CTC1: variants seen among roughly 807,000 people sequenced by gnomAD.
CTC1 encodes CST telomere replication complex component 1, also known as CST complex subunit CTC1.
In CTC1, 91 loss-of-function variants were observed where a neutral mutation model predicts 136.3. The ratio of observed to expected loss-of-function variants is 0.67; its 90% CI spans 0.56 to 0.79. CTC1 has a LOEUF of 0.79. CTC1 is among the 30% of genes least tolerant of loss of function. The pLI, the probability that CTC1 is intolerant of heterozygous loss-of-function variation, is 0.00. For missense variants in CTC1, 1,432 were observed against 1,498.1 expected (o/e 0.96, Z 0.73); for synonymous variants, 606 against 613.8 (o/e 0.99, Z 0.19).
chr17:8,235,316 G>T, intron 7 of CTC1, 31 bp from the exon 8 acceptor site: 1 of 1,548,058 alleles, frequency 6.5e-7, no homozygotes, highest in Non-Finnish European at 8.9e-7. Context: ...TGAAAAAGCA[G>T]AGATGAAGAC....
chr17:8,230,765 A>G, intron 15 of CTC1, 114 bp from the exon 16 acceptor site: 1 of 850,056 alleles, frequency 1.2e-6, no homozygotes, highest in East Asian at 2.7e-5. Flanking sequence ...TTCATATATA[A>G]AGTCCTGAAA....
At position 8,229,306 on chromosome 17, in the gene CTC1, C is replaced by T. The variant is rs758206104; in HGVS notation, c.3152G>A (p.Arg1051Gln). ...CCTGTTCCTTCCCTCCCTTACCTGC[C>T]GGCAGATGCTGGTACAATAAGCACA... ...WVCAYCTSIC[R>Q]QGKCTRLGST... The change falls in exon 19 of 23, where the codon CGG (arginine) becomes CAG (glutamine). Residue 1051 changes from arginine to glutamine, a missense_variant. Physicochemically the swap from Arg to Gln is conservative, Grantham distance 43. Coordinates refer to ENST00000651323, the MANE Select transcript of CTC1 (RefSeq NM_025099.6). The T allele has an allele frequency of 9.9e-6, 16 of 1,614,056 alleles. No homozygotes were observed. In the Admixed American group the frequency reaches 1.2e-4, roughly 12 times the overall value.
At chr17:8,232,862 C>A (rs754454533) in intron 11 of CTC1, 44 bp downstream of exon 11, 87 of 1,604,274 alleles carry the variant, frequency 5.4e-5, no homozygotes, top group Middle Eastern at 5.0e-4. Context: ...GCTATGAGAA[C>A]CACCATCCCA....
In CTC1 at chr17:8,235,283, GA is replaced by G; in HGVS notation, c.1208del (p.Leu403ProfsTer60). On this transcript the variant is annotated frameshift_variant and splice_region_variant, in exon 8 of 23. Transcript: ENST00000651323. LOFTEE classifies it high-confidence loss of function. ...RVMRPGVCLQ[L>X]QDVHLLQSVG... ...CTGACTGGAGCAGGTGAACATCCTG[GA>G]GCTGGGGGAAAGCAGAGAAAATGAA... The G allele has an allele frequency of 6.2e-7, 1 of 1,610,758 alleles. No individual in the cohort carries two copies. Among genetic ancestry groups the G allele is most frequent in the South Asian group, 1.1e-5 (1 of 91,036 alleles).
intron 1 of CTC1, among the ~76,000 whole-genome samples, chr17:8,247,467 G>A (rs1206172773): frequency 1.3e-5 from 2 of 151,616 alleles, no homozygotes; most frequent in Non-Finnish European, 2.9e-5. Context: ...GCGCCACCAC[G>A]CCCGGCTAAT....
chr17:8,241,456 A>G (rs1988209746), intron 2 of CTC1, among the ~76,000 whole-genome samples: 1 of 151,720 alleles, frequency 6.6e-6, no homozygotes, highest in Non-Finnish European at 1.5e-5. Flanking sequence ...CATCTCTACT[A>G]AAAAATACAA....
In CTC1 at chr17:8,232,715, G is replaced by A. The variant is rs1454411204; in HGVS notation, c.1945+191C>T. The A allele has an allele frequency of 6.6e-6, 5 of 759,378 alleles. No homozygotes were observed. The Admixed American group carries it at 1.2e-4, about 18-fold the overall frequency. 47.0% of individuals were successfully genotyped at this position (759,378 alleles called of 1,614,324 possible). On this transcript the variant is annotated intron_variant, in intron 11 of 22. Coordinates refer to ENST00000651323, the MANE Select transcript of CTC1 (RefSeq NM_025099.6). ...TAGGAGCTACGGTGGAGAAATGCATGCTGGAAATTCTGGCTAGGGGTCCTC... is the reference window on the plus strand; with the variant it reads ...TAGGAGCTACGGTGGAGAAATGCATACTGGAAATTCTGGCTAGGGGTCCTC...
Position 8,228,220 on chromosome 17 carries a change from T to C in CTC1, c.3614A>G (p.Glu1205Gly). 1 of 1,614,100 alleles carries C rather than the reference T, an allele frequency of 6.2e-7. No homozygotes were observed. Among genetic ancestry groups the C allele is most frequent in the Non-Finnish European group, 8.5e-7 (1 of 1,179,980 alleles). Residue 1205 changes from glutamate to glycine, a missense_variant, in exon 23 of 23, where the codon GAG (glutamate) becomes GGG (glycine). Glu to Gly is a moderately conservative substitution (Grantham distance 98). Transcript: ENST00000651323. ...RLSCLSIRES[E>G]YSSSLGILAS... ...AAGGATCCCCAGAGAGCTGGAGTAC[T>C]CTGACTCTCGGATAGAAAGGCAGGA...
rs762897077 is a variant in CTC1 at position 8,232,141 on chromosome 17, T to C, written c.2147A>G (p.Gln716Arg). ...CLHSATPSTP[Q>R]TDPTGPEGPH... ...TCCCTCTGGGCCGGTGGGATCTGTC[T>C]GAGGTGTTGAGGGTGTTGCTGAATG... The change falls in exon 13 of 23, where the codon CAG (glutamine) becomes CGG (arginine). Residue 716 changes from glutamine (Q) to arginine (R), a missense_variant. Gln to Arg is a conservative substitution (Grantham distance 43). Transcript: ENST00000651323. 2.6e-6 allele frequency: 4 copies of C among 1,527,080 alleles called. No individual in the cohort carries two copies. The highest frequency in any genetic ancestry group is 3.5e-6 in the Non-Finnish European group (4 of 1,142,008). 94.6% of individuals were successfully genotyped at this position (1,527,080 alleles called of 1,614,324 possible).
At chr17:8,237,665 CAAAAAAAAAAAAAAAAAAAAAAAA>C (rs71159568) in intron 4 of CTC1, 146 bp from the exon 5 acceptor site, 13 of 58,360 alleles carry the variant, frequency 2.2e-4, no homozygotes, top group South Asian at 3.4e-4. Flanking sequence ...AACTACGTCT[CAAAAAAAAAAAAAAAAAAAAAAAA>C]AAAAAAAAAA....
intron 11 of CTC1, 125 bp from the exon 12 acceptor site, chr17:8,232,600 A>G: frequency 1.3e-6 from 1 of 760,806 alleles, no homozygotes; most frequent in Middle Eastern, 3.4e-4. Flanking sequence ...ATGACATGAA[A>G]GCCCACACCT....
chr17:8,231,237 A>AGT, intron 15 of CTC1, 39 bp downstream of exon 15: 1 of 1,466,076 alleles, frequency 6.8e-7, no homozygotes, highest in Non-Finnish European at 9.1e-7. Context: ...GAGAAGAGAG[A>AGT]GTGGCCAAAT....
rs913586316 is a variant in CTC1, at chr17:8,225,965, G to C, written c.*2215C>G. The stretch of plus-strand genomic sequence containing the variant: ...TGGAAGGTGGGCAGCCCCTTCCATC[G>C]AGGGTGGGGCGGCCGCCTGACCCAG... On this transcript the variant is annotated 3_prime_UTR_variant, in exon 23 of 23. Transcript: ENST00000651323. The C allele has an allele frequency of 6.6e-6, 1 of 152,038 alleles. No individual in the cohort carries two copies. Among genetic ancestry groups the C allele is most frequent in the Non-Finnish European group, 1.5e-5 (1 of 68,010 alleles). 9.4% of individuals were successfully genotyped at this position (152,038 alleles called of 1,614,324 possible).
chr17:8,228,799 G>T lies in CTC1; in HGVS notation c.3315C>A (p.Ala1105=). ...AALGLCPREW[A]SLLDFVQVPG... is the part of the protein sequence containing the mutation. ...GCACTTGGACGAAATCTAGGAGGGA[G>T]GCCCACTCTCTAGGACACAGCCCTA... is the stretch of plus-strand genomic sequence containing the variant. Residue 1105 remains alanine (A), a synonymous_variant, in exon 21 of 23, where the codon GCC becomes GCA. Transcript: ENST00000651323. The T allele has an allele frequency of 6.2e-7, 1 of 1,614,166 alleles. No homozygotes were observed. Among genetic ancestry groups the T allele is most frequent in the Non-Finnish European group, 8.5e-7 (1 of 1,180,022 alleles).
intron 2 of CTC1, 122 bp downstream of exon 2, chr17:8,242,863 A>G: frequency 1.2e-6 from 1 of 813,470 alleles, no homozygotes; most frequent in Non-Finnish European, 1.8e-6. Flanking sequence ...GGGTATGTTT[A>G]GACTACCTTG....
chr17:8,232,296 C>T, intron 12 of CTC1, 65 bp downstream of exon 12: 2 of 1,570,322 alleles, frequency 1.3e-6, no homozygotes, highest in Non-Finnish European at 8.6e-7. Flanking sequence ...CCCAGCATCC[C>T]ACTCCTTCCA....
Position 8,226,382 on chromosome 17 carries a change from A to G in CTC1, c.*1798T>C, listed in dbSNP as rs771198997. ...AGGAACCCGGACCGAGCTTTTTCAG[A>G]TCTTTCTAGAACTAATTTGGTAACT... On this transcript the variant is annotated 3_prime_UTR_variant, in exon 23 of 23. Coordinates refer to ENST00000651323, the MANE Select transcript of CTC1 (RefSeq NM_025099.6). The G allele has an allele frequency of 6.6e-6, 1 of 152,160 alleles. No individual in the cohort carries two copies. Among genetic ancestry groups the G allele is most frequent in the Non-Finnish European group, 1.5e-5 (1 of 68,032 alleles). The allele number at this position is 152,160 out of a possible 1,614,324, so 9.4% of individuals were successfully genotyped here. A position where few individuals can be genotyped will look rare whatever the true frequency, so the allele number is the denominator to read the frequency against.
chr17:8,239,614 GT>G (rs1988043697), intron 2 of CTC1, among the ~76,000 whole-genome samples: 1 of 151,634 alleles, frequency 6.6e-6, no homozygotes, highest in African/African-American at 2.4e-5. Context: ...TCCAGATGGG[GT>G]TTCACCATGT....
chr17:8,232,066 A>G lies in CTC1; in HGVS notation c.2222T>C (p.Leu741Pro). The G allele has an allele frequency of 6.4e-7, 1 of 1,564,420 alleles. No homozygotes were observed. Among genetic ancestry groups the G allele is most frequent in the Non-Finnish European group, 8.6e-7 (1 of 1,160,448 alleles). The part of the protein sequence containing the change: ...RLFLLCHKEA[L>P]MKRNFCVPPG... ...GGGGACACAAAAATTACGCTTCATGAGGGCCTCCTTGTGGCAGAGCAAGAA... is the reference window on the plus strand; with the variant it reads ...GGGGACACAAAAATTACGCTTCATGGGGGCCTCCTTGTGGCAGAGCAAGAA... Residue 741 changes from leucine to proline, a missense_variant, in exon 13 of 23, where the codon CTC becomes CCC. By Grantham distance (98) the Leu-to-Pro change is moderately conservative. Transcript: ENST00000651323.
Sources: gnomAD v4.1 joint callset for allele counts (sites outside exome capture counted in the v4.1 genomes callset) on GRCh38, gnomAD v4.1.1 for gene constraint, MANE v1.5 for transcripts, NCBI Gene and HGNC (gene_info 2026-07-23, HGNC 2026-07-21) for gene names.